The following HS2ST1 variants were observed in gnomAD, a reference collection of about 807,000 sequenced individuals.
HS2ST1 encodes 2-O-sulfotransferase.
HS2ST1 carries 18 observed loss-of-function variants against 42.9 expected under a neutral mutation model. The observed-to-expected ratio is 0.42, with a 90% CI of 0.29 to 0.62. The LOEUF (loss-of-function observed/expected upper bound fraction) is 0.62, where lower values mean the gene tolerates loss of function less well. HS2ST1 is among the 20% of genes least tolerant of loss of function. HS2ST1 has a pLI of 0.21. For missense variants in HS2ST1, 334 were observed against 433.8 expected, an observed-to-expected ratio of 0.77 and a Z score of 2.04; for synonymous variants, 146 against 152.9, an observed-to-expected ratio of 0.95 and a Z score of 0.33.
At chr1:86,959,991 A>G (rs2390213) in intron 1 of HS2ST1, among the ~76,000 whole-genome samples, 137,711 of 152,194 alleles carry the variant, frequency 0.9, 62,556 homozygotes, top group East Asian at 0.99. Flanking sequence ...ACACAATATT[A>G]TAGGAGAACA....
At chr1:86,968,445 G>A (rs924793591) in intron 1 of HS2ST1, among the ~76,000 whole-genome samples, 4 of 149,042 alleles carry the variant, frequency 2.7e-5, no homozygotes, top group Admixed American at 2.0e-4. Flanking sequence ...TTTTTTGAGC[G>A]AGGTCTCACT....
intron 1 of HS2ST1, among the ~76,000 whole-genome samples, chr1:86,930,227 C>T (rs527828195): frequency 2.0e-5 from 3 of 151,804 alleles, no homozygotes; most frequent in East Asian, 1.9e-4. Flanking sequence ...ATTTCATTTG[C>T]GTATTATAAT....
intron 1 of HS2ST1, among the ~76,000 whole-genome samples, chr1:86,994,093 TA>T (rs1053007350): frequency 7.2e-5 from 11 of 151,924 alleles, no homozygotes; most frequent in Non-Finnish European, 1.5e-4. Context: ...AGAAGTATGT[TA>T]AAAAAAACAC....
At chr1:87,006,818 T>G (rs60910584) in intron 1 of HS2ST1, among the ~76,000 whole-genome samples, 5,244 of 152,154 alleles carry the variant, frequency 0.034, 184 homozygotes, top group African/African-American at 0.088. Context: ...GCTTAATCCC[T>G]TTATTAGCAA....
intron 1 of HS2ST1, among the ~76,000 whole-genome samples, chr1:86,959,675 T>C (rs1647774914): frequency 6.6e-6 from 1 of 151,914 alleles, no homozygotes; most frequent in Non-Finnish European, 1.5e-5. Flanking sequence ...AATAAAAGAC[T>C]ATAGCAGTGT....
At chr1:86,974,635 C>T (rs1245115189) in intron 1 of HS2ST1, among the ~76,000 whole-genome samples, 1 of 152,132 alleles carries the variant, frequency 6.6e-6, no homozygotes, top group African/African-American at 2.4e-5. Context: ...TGGGACTGAA[C>T]CTTTAAGCTG....
intron 1 of HS2ST1, among the ~76,000 whole-genome samples, chr1:87,066,575 AT>A (rs1293736967): frequency 1.3e-5 from 2 of 151,822 alleles, no homozygotes; most frequent in East Asian, 1.9e-4. Context: ...ATCTTAAAAA[AT>A]TTTTTTTTAT....
chr1:86,915,207 G>A, intron 1 of HS2ST1, 47 bp downstream of exon 1: 1 of 1,564,028 alleles, frequency 6.4e-7, no homozygotes, highest in Non-Finnish European at 8.6e-7. Flanking sequence ...AAGGGGCCGA[G>A]GAGGCGCTGC....
chr1:87,082,289 A>G (rs1651712527), intron 2 of HS2ST1, among the ~76,000 whole-genome samples: 3 of 152,186 alleles, frequency 2.0e-5, no homozygotes, highest in South Asian at 2.1e-4. Flanking sequence ...ATCCTTAGGA[A>G]GCTTTGTTGG....
chr1:87,084,096 G>T (rs1026397382), intron 2 of HS2ST1, 98 bp from the exon 3 acceptor site: 7 of 669,454 alleles, frequency 1.0e-5, no homozygotes, highest in Non-Finnish European at 9.9e-6. Context: ...CTGTAAAAGT[G>T]GTTTTAGGTT....
intron 1 of HS2ST1, among the ~76,000 whole-genome samples, chr1:86,929,587 A>G (rs955260557): frequency 2.6e-5 from 4 of 151,834 alleles, no homozygotes; most frequent in African/African-American, 9.7e-5. Context: ...AGATTTATAA[A>G]ATGCAAATTA....
intron 1 of HS2ST1, among the ~76,000 whole-genome samples, chr1:86,988,570 G>A (rs1031380480): frequency 3.9e-5 from 6 of 152,312 alleles, no homozygotes; most frequent in Middle Eastern, 6.8e-3. Flanking sequence ...AAGGAATCTG[G>A]ATTCTGGTAG....
chr1:86,956,044 A>G (rs1647667604), intron 1 of HS2ST1, among the ~76,000 whole-genome samples: 1 of 152,244 alleles, frequency 6.6e-6, no homozygotes, highest in Non-Finnish European at 1.5e-5. Flanking sequence ...TGTAAATAAA[A>G]TAGCTAAATA....
chr1:87,023,705 G>T (rs1488955865), intron 1 of HS2ST1, among the ~76,000 whole-genome samples: 1 of 151,966 alleles, frequency 6.6e-6, no homozygotes, highest in Non-Finnish European at 1.5e-5. Context: ...ATATTGAATG[G>T]GATAGATGAA....
At chr1:87,011,046 A>G (rs909103688) in intron 1 of HS2ST1, among the ~76,000 whole-genome samples, 2 of 152,146 alleles carry the variant, frequency 1.3e-5, no homozygotes, top group African/African-American at 4.8e-5. Flanking sequence ...TCAGCCTCCC[A>G]AAGTGCTGGG....
chr1:86,956,328 G>C (rs1321948027), intron 1 of HS2ST1, among the ~76,000 whole-genome samples: 3 of 152,208 alleles, frequency 2.0e-5, no homozygotes, highest in Non-Finnish European at 4.4e-5. Context: ...TAGAGAACCT[G>C]CAGGCAAAGC....
At chr1:87,027,891 T>G (rs1293518897) in intron 1 of HS2ST1, among the ~76,000 whole-genome samples, 1 of 152,232 alleles carries the variant, frequency 6.6e-6, no homozygotes, top group African/African-American at 2.4e-5. Flanking sequence ...GGTTTCACCA[T>G]GTTGGCCAGG....
At chr1:87,057,011 CA>C (rs1650987729) in intron 1 of HS2ST1, among the ~76,000 whole-genome samples, 1 of 152,024 alleles carries the variant, frequency 6.6e-6, no homozygotes, top group Admixed American at 6.5e-5. Flanking sequence ...TCATTGACTC[CA>C]ACCCAAATAA....
In HS2ST1 at chr1:86,974,328, G is replaced by A. The variant is rs181305458; in HGVS notation, c.124+59168G>A. ...TAAAAATTATTAAACTGTGGGATTT[G>A]GAGAGCTTCTAGGTTGCATTGAAAT... On this transcript the variant is annotated intron_variant, in intron 1 of 6. Coordinates refer to ENST00000370550, the MANE Select transcript of HS2ST1 (RefSeq NM_012262.4). Among the ~76,000 whole-genome samples, 12 of 152,284 alleles carry A rather than the reference G, an allele frequency of 7.9e-5. No homozygotes were observed. In the East Asian group the frequency reaches 2.3e-3, roughly 29 times the overall value.
Sources: gnomAD v4.1 joint callset for allele counts (sites outside exome capture counted in the v4.1 genomes callset) on GRCh38, gnomAD v4.1.1 for gene constraint, MANE v1.5 for transcripts, NCBI Gene and HGNC (gene_info 2026-07-23, HGNC 2026-07-21) for gene names.